CDH12: variants seen among roughly 807,000 people sequenced by gnomAD.
The protein encoded by CDH12 is cadherin-12.
A neutral mutation model predicts 74.1 loss-of-function variants in CDH12; 41 were observed. That is an observed-to-expected ratio of 0.55 (90% CI 0.43 to 0.72). The LOEUF is 0.72. Among genes scored for constraint, CDH12 ranks in the 30% least tolerant of loss-of-function variants. The probability of loss-of-function intolerance (pLI) is 0.00; values close to 1 mark genes in which losing one functional copy is unlikely to be tolerated. For synonymous variants in CDH12, 399 were observed against 355.0 expected (o/e 1.12, Z -1.39); for missense variants, 945 against 977.2 (o/e 0.97, Z 0.44).
chr5:22,344,111 G>T (rs1740006420), intron 3 of CDH12, among the ~76,000 whole-genome samples: 3 of 152,100 alleles, frequency 2.0e-5, no homozygotes, highest in Admixed American at 2.0e-4. Context: ...GTTATGATGG[G>T]GAAAAGAGTC....
intron 3 of CDH12, among the ~76,000 whole-genome samples, chr5:22,289,690 T>A (rs1287673248): frequency 2.0e-5 from 3 of 152,090 alleles, no homozygotes; most frequent in African/African-American, 7.2e-5. Flanking sequence ...AGAATATTCT[T>A]AGATTACCTG....
rs190599973 is a variant in CDH12 at position 22,333,284 on chromosome 5, C to T, written c.-333+71973G>A. Among the ~76,000 whole-genome samples the T allele has an allele frequency of 5.0e-4, 75 of 151,226 alleles. 1 individual carries two copies. The highest frequency in any genetic ancestry group is 8.7e-4 in the African/African-American group (36 of 41,184). ...GAATAATGATAACACATGGACACAA[C>T]GAGGGTAACAACACACACTGGGGCC... On this transcript the variant is annotated intron_variant, in intron 3 of 14. Transcript: ENST00000382254.
intron 1 of CDH12, among the ~76,000 whole-genome samples, chr5:22,675,440 C>T (rs985597099): frequency 2.0e-5 from 3 of 152,166 alleles, no homozygotes; most frequent in Admixed American, 6.5e-5. Flanking sequence ...ACATTTGCTG[C>T]AGGGCTGGGG....
intron 3 of CDH12, among the ~76,000 whole-genome samples, chr5:22,272,054 A>C (rs1374471003): frequency 2.0e-5 from 3 of 152,188 alleles, no homozygotes; most frequent in Admixed American, 6.5e-5. Flanking sequence ...CTATGTAGTT[A>C]AAAAAGTTGT....
intron 5 of CDH12, among the ~76,000 whole-genome samples, chr5:22,051,280 AT>A (rs749915461): frequency 3.9e-5 from 6 of 152,114 alleles, no homozygotes; most frequent in Non-Finnish European, 7.4e-5. Flanking sequence ...TAATTAAGAG[AT>A]GTCGTTATTG....
At chr5:22,195,752 T>C (rs2150350217) in intron 4 of CDH12, among the ~76,000 whole-genome samples, 1 of 152,330 alleles carries the variant, frequency 6.6e-6, no homozygotes, top group East Asian at 1.9e-4. Flanking sequence ...TCTCTTTCTC[T>C]ACAATCCTCT....
At position 21,822,010 on chromosome 5, in the gene CDH12, G is replaced by T. The variant is rs1748394995; in HGVS notation, c.815-4878C>A. On this transcript the variant is annotated intron_variant, in intron 8 of 14. Transcript: ENST00000382254. The stretch of plus-strand genomic sequence containing the variant: ...AAACAACATATTGTGTGAGTAAAAA[G>T]AAACTTTATAGAAATTGTGTACCTG... Among the ~76,000 whole-genome samples the T allele has an allele frequency of 2.0e-5, 3 of 151,852 alleles. No individual in the cohort carries two copies. In the South Asian group the frequency reaches 6.2e-4, roughly 31 times the overall value.
intron 3 of CDH12, among the ~76,000 whole-genome samples, chr5:22,281,722 G>T (rs1052533862): frequency 6.6e-6 from 1 of 152,100 alleles, no homozygotes; most frequent in Non-Finnish European, 1.5e-5. Flanking sequence ...GGAAATCAGA[G>T]AGGACACAAA....
chr5:22,643,733 CTTTT>C (rs762944279), intron 1 of CDH12, among the ~76,000 whole-genome samples: 2 of 51,200 alleles, frequency 3.9e-5, no homozygotes, highest in Non-Finnish European at 6.9e-5. Context: ...TTTAAGGTAT[CTTTT>C]TTTTTTTTTT....
chr5:22,191,554 C>CTTTTTTTTTTTTTTTTTTTTTTTTT lies in CDH12; in HGVS notation c.-187+20943_-187+20944insAAAAAAAAAAAAAAAAAAAAAAAAA, dbSNP rs869248894. On this transcript the variant is annotated intron_variant, in intron 4 of 14. Transcript: ENST00000382254. ...TAAGTTGTCTATATACACCAATGGT[C>CTTTTTTTTTTTTTTTTTTTTTTTTT]TTTTTATTTTTATTTTTTTTTTTTT... 3.6e-5 allele frequency among the ~76,000 whole-genome samples: 2 copies of CTTTTTTTTTTTTTTTTTTTTTTTTT among 55,202 alleles called. 1 individual carries two copies. Among genetic ancestry groups the CTTTTTTTTTTTTTTTTTTTTTTTTT allele is most frequent in the African/African-American group, 1.2e-4 (2 of 16,480 alleles). 36.2% of individuals were successfully genotyped at this position (55,202 alleles called of 152,430 possible).
At chr5:22,126,467 G>T (rs1192071736) in intron 4 of CDH12, among the ~76,000 whole-genome samples, 1 of 152,118 alleles carries the variant, frequency 6.6e-6, no homozygotes, top group Non-Finnish European at 1.5e-5. Flanking sequence ...GTCATGAAAG[G>T]CCCTGGTGTA....
At chr5:22,802,966 C>T (rs892960959) in intron 1 of CDH12, among the ~76,000 whole-genome samples, 3 of 152,122 alleles carry the variant, frequency 2.0e-5, no homozygotes, top group African/African-American at 7.2e-5. Context: ...GACCCAAAGT[C>T]TTGCACTTAA....
chr5:22,787,785 C>T (rs2126371798), intron 1 of CDH12, among the ~76,000 whole-genome samples: 1 of 152,184 alleles, frequency 6.6e-6, no homozygotes, highest in Middle Eastern at 3.4e-3. Context: ...GTTAGCAGGT[C>T]CTCACTCGCT....
intron 1 of CDH12, among the ~76,000 whole-genome samples, chr5:22,794,961 A>G (rs1450799553): frequency 6.6e-6 from 1 of 152,182 alleles, no homozygotes; most frequent in East Asian, 1.9e-4. Context: ...TCATATATAT[A>G]TATATGTCAA....
chr5:21,944,135 G>T (rs1202522896), intron 6 of CDH12, among the ~76,000 whole-genome samples: 2 of 152,102 alleles, frequency 1.3e-5, no homozygotes, highest in African/African-American at 4.8e-5. Flanking sequence ...AAACTGAGCC[G>T]CAGTGCTTTG....
intron 1 of CDH12, among the ~76,000 whole-genome samples, chr5:22,564,523 T>G (rs1200540850): frequency 1.3e-5 from 2 of 152,216 alleles, no homozygotes; most frequent in Non-Finnish European, 2.9e-5. Context: ...ATATTTTAAT[T>G]TGCATTTCCT....
At chr5:22,621,282 T>A (rs897741239) in intron 1 of CDH12, among the ~76,000 whole-genome samples, 1 of 152,158 alleles carries the variant, frequency 6.6e-6, no homozygotes, top group Non-Finnish European at 1.5e-5. Flanking sequence ...AGCTAATCAA[T>A]CACACCTGTG....
At chr5:22,075,204 G>A (rs527782698) in intron 5 of CDH12, among the ~76,000 whole-genome samples, 6 of 150,182 alleles carry the variant, frequency 4.0e-5, no homozygotes, top group East Asian at 2.0e-4. Flanking sequence ...GCAAACTATC[G>A]CAAGGACAAA....
At chr5:22,488,291 G>A (rs1746691772) in intron 2 of CDH12, among the ~76,000 whole-genome samples, 2 of 152,158 alleles carry the variant, frequency 1.3e-5, no homozygotes, top group South Asian at 4.1e-4. Flanking sequence ...CATTTATGGA[G>A]AAAATAGTGC....
Sources: gnomAD v4.1 joint callset for allele counts (sites outside exome capture counted in the v4.1 genomes callset) on GRCh38, gnomAD v4.1.1 for gene constraint, MANE v1.5 for transcripts, NCBI Gene and HGNC (gene_info 2026-07-23, HGNC 2026-07-21) for gene names.